The following SH3RF3 variants were observed in gnomAD, a reference collection of about 807,000 sequenced individuals.
The protein encoded by SH3RF3 is E3 ubiquitin-protein ligase SH3RF3.
SH3RF3 carries 29 observed loss-of-function variants against 66.3 expected under a neutral mutation model. The ratio of observed to expected loss-of-function variants is 0.44; its 90% CI spans 0.33 to 0.60. The LOEUF (loss-of-function observed/expected upper bound fraction) is 0.60. Among genes scored for constraint, SH3RF3 ranks in the 20% least tolerant of loss-of-function variants. The pLI, the probability that SH3RF3 is intolerant of heterozygous loss-of-function variation, is 0.04. For missense variants in SH3RF3, 1,194 were observed against 1,190.9 expected (o/e 1.00, Z -0.04); for synonymous variants, 583 against 532.0 (o/e 1.10, Z -1.32).
chr2:109,330,129 C>G (rs1380436379), intron 1 of SH3RF3, among the ~76,000 whole-genome samples: 1 of 152,186 alleles, frequency 6.6e-6, no homozygotes, highest in East Asian at 1.9e-4. Flanking sequence ...CCTTTGCTCC[C>G]ACTCTGGGGC....
chr2:109,342,928 G>T (rs954901947), intron 1 of SH3RF3, among the ~76,000 whole-genome samples: 3 of 152,208 alleles, frequency 2.0e-5, no homozygotes, highest in Non-Finnish European at 4.4e-5. Context: ...CATCCCAGAT[G>T]GGTTTTCCTT....
chr2:109,325,331 C>CTTTTTTTTTTTTTT (rs11298946), intron 1 of SH3RF3, among the ~76,000 whole-genome samples: 1 of 66,256 alleles, frequency 1.5e-5, no homozygotes, highest in Non-Finnish European at 2.7e-5. Context: ...TTCTTTCTTT[C>CTTTTTTTTTTTTTT]TTTTTTTTTT....
intron 1 of SH3RF3, among the ~76,000 whole-genome samples, chr2:109,331,359 C>G (rs7605376): frequency 6.6e-6 from 1 of 151,844 alleles, no homozygotes; most frequent in Non-Finnish European, 1.5e-5. Context: ...CTGCCTCCCT[C>G]CTCTCCCCTT....
intron 1 of SH3RF3, among the ~76,000 whole-genome samples, chr2:109,164,458 A>G (rs1245534189): frequency 6.6e-6 from 1 of 152,226 alleles, no homozygotes; most frequent in African/African-American, 2.4e-5. Flanking sequence ...AGCTGGGACT[A>G]CAGCTGTGAG....
At chr2:109,283,818 T>C (rs552862936) in intron 1 of SH3RF3, among the ~76,000 whole-genome samples, 5 of 152,338 alleles carry the variant, frequency 3.3e-5, no homozygotes, top group Non-Finnish European at 5.9e-5. Flanking sequence ...CTCTGCTCCC[T>C]GGGAGGATTT....
At chr2:109,227,281 A>G (rs558115474) in intron 1 of SH3RF3, among the ~76,000 whole-genome samples, 1 of 152,104 alleles carries the variant, frequency 6.6e-6, no homozygotes, top group South Asian at 2.1e-4. Context: ...TAGCTAGAAG[A>G]AGCTCTGTGA....
intron 8 of SH3RF3, among the ~76,000 whole-genome samples, chr2:109,474,963 G>A (rs544332335): frequency 3.3e-5 from 5 of 151,232 alleles, no homozygotes; most frequent in Admixed American, 3.3e-4. Context: ...GTTTTGTTTG[G>A]GTTTTTTTTG....
intron 1 of SH3RF3, among the ~76,000 whole-genome samples, chr2:109,277,803 G>A (rs1310269966): frequency 6.6e-6 from 1 of 152,142 alleles, no homozygotes; most frequent in African/African-American, 2.4e-5. Context: ...CTTATACCTG[G>A]CAGTCTTACC....
intron 1 of SH3RF3, among the ~76,000 whole-genome samples, chr2:109,179,003 A>ATATGTGTG (rs764622844): frequency 7.0e-6 from 1 of 142,066 alleles, no homozygotes; most frequent in Non-Finnish European, 1.6e-5. Flanking sequence ...AAGTATAATA[A>ATATGTGTG]TGTGTGTGTG....
At chr2:109,159,099 A>G (rs972140086) in intron 1 of SH3RF3, among the ~76,000 whole-genome samples, 8 of 152,054 alleles carry the variant, frequency 5.3e-5, no homozygotes, top group African/African-American at 1.9e-4. Context: ...CCTGGGCGAC[A>G]GAGTGAGATT....
At chr2:109,338,653 G>C (rs571348151) in intron 1 of SH3RF3, among the ~76,000 whole-genome samples, 9 of 152,128 alleles carry the variant, frequency 5.9e-5, no homozygotes, top group African/African-American at 2.2e-4. Flanking sequence ...TGCCTCCCGA[G>C]TTCAGGCAGT....
At chr2:109,409,071 G>A (rs111365511) in intron 4 of SH3RF3, among the ~76,000 whole-genome samples, 41 of 152,332 alleles carry the variant, frequency 2.7e-4, no homozygotes, top group African/African-American at 7.9e-4. Context: ...CCTTGTTGAC[G>A]TTTTGAGATT....
intron 9 of SH3RF3, among the ~76,000 whole-genome samples, chr2:109,491,530 C>G (rs145053614): frequency 6.6e-6 from 1 of 152,064 alleles, no homozygotes; most frequent in African/African-American, 2.4e-5. Context: ...AGGTTTTTAC[C>G]GATCTGGAAA....
chr2:109,398,723 C>CAGGGG lies in SH3RF3; in HGVS notation c.1080_1084dup (p.Ala362GlufsTer28). 6.2e-7 allele frequency: 1 copy of CAGGGG among 1,613,164 alleles called. No individual in the cohort carries two copies. Among genetic ancestry groups the CAGGGG allele is most frequent in the Non-Finnish European group, 8.5e-7 (1 of 1,179,612 alleles). On this transcript the variant is annotated frameshift_variant, in exon 4 of 10. Coordinates refer to ENST00000309415, the MANE Select transcript of SH3RF3 (RefSeq NM_001099289.3). LOFTEE classifies it high-confidence loss of function. ...GCCCCAAGTCCCACTTTAAGCAGCT[C>CAGGGG]AGGGGCGGTCAGTGCCTTTCAGCGG...
chr2:109,163,264 C>T (rs999079395), intron 1 of SH3RF3, among the ~76,000 whole-genome samples: 1 of 152,038 alleles, frequency 6.6e-6, no homozygotes, highest in Admixed American at 6.6e-5. Context: ...TAGGGCTCTG[C>T]CATTTGTTTC....
chr2:109,218,582 A>G (rs1225386306), intron 1 of SH3RF3, among the ~76,000 whole-genome samples: 1 of 152,172 alleles, frequency 6.6e-6, no homozygotes, highest in Non-Finnish European at 1.5e-5. Flanking sequence ...CTCTCGGTCA[A>G]AATACAGCCT....
chr2:109,471,399 G>A (rs1678504297), intron 8 of SH3RF3, among the ~76,000 whole-genome samples: 1 of 152,124 alleles, frequency 6.6e-6, no homozygotes, highest in African/African-American at 2.4e-5. Flanking sequence ...GAAGGGGGAA[G>A]AATCCTCATA....
At chr2:109,148,688 G>A (rs1677154805) in intron 1 of SH3RF3, among the ~76,000 whole-genome samples, 1 of 152,226 alleles carries the variant, frequency 6.6e-6, no homozygotes, top group Non-Finnish European at 1.5e-5. Context: ...GCTGAAAAGT[G>A]CATTCATGGC....
At chr2:109,419,438 C>T (rs1238948223) in intron 4 of SH3RF3, 101 bp from the exon 5 acceptor site, 35 of 1,243,742 alleles carry the variant, frequency 2.8e-5, no homozygotes, top group East Asian at 7.6e-5. Flanking sequence ...AGGCAGCTGG[C>T]GAAGCACAGG....
Sources: gnomAD v4.1 joint callset for allele counts (sites outside exome capture counted in the v4.1 genomes callset) on GRCh38, gnomAD v4.1.1 for gene constraint, MANE v1.5 for transcripts, NCBI Gene and HGNC (gene_info 2026-07-23, HGNC 2026-07-21) for gene names.